The following DLG2 variants were observed in gnomAD, a reference collection of about 807,000 sequenced individuals.
DLG2 encodes discs large MAGUK scaffold protein 2, also known as disks large homolog 2.
DLG2 carries 45 observed loss-of-function variants against 132.5 expected under a neutral mutation model. That is an observed-to-expected ratio of 0.34 (90% CI 0.27 to 0.44). DLG2 has a LOEUF of 0.44. Among genes scored for constraint, DLG2 ranks in the 20% least tolerant of loss-of-function variants. The probability of loss-of-function intolerance (pLI) is 1.00; values close to 1 mark genes in which losing one functional copy is unlikely to be tolerated. For missense variants in DLG2, 1,045 were observed against 1,196.9 expected (o/e 0.87, Z 1.87); for synonymous variants, 424 against 419.6 (o/e 1.01, Z -0.13).
chr11:85,343,108 T>C (rs1313059867), intron 3 of DLG2, among the ~76,000 whole-genome samples: 1 of 152,190 alleles, frequency 6.6e-6, no homozygotes, highest in Admixed American at 6.5e-5. Flanking sequence ...TATATTCAAA[T>C]TGCCCTAACT....
chr11:84,107,980 CTTGAACAG>C (rs1286224235), intron 9 of DLG2, among the ~76,000 whole-genome samples: 1 of 152,028 alleles, frequency 6.6e-6, no homozygotes, highest in East Asian at 1.9e-4. Context: ...GCTTAGTAAT[CTTGAACAG>C]TGAAAGGGAT....
chr11:84,529,491 T>C (rs544861361), intron 7 of DLG2, among the ~76,000 whole-genome samples: 2 of 152,152 alleles, frequency 1.3e-5, no homozygotes, highest in East Asian at 3.9e-4. Flanking sequence ...TATTCCTATC[T>C]ACCAACAACA....
At chr11:83,943,430 T>C (rs923457667) in intron 14 of DLG2, among the ~76,000 whole-genome samples, 2 of 152,242 alleles carry the variant, frequency 1.3e-5, no homozygotes, top group Non-Finnish European at 2.9e-5. Context: ...TCCTTATTAA[T>C]GAGCAACTTT....
chr11:85,444,050 A>C (rs1052182335), intron 3 of DLG2, among the ~76,000 whole-genome samples: 1 of 152,202 alleles, frequency 6.6e-6, no homozygotes. Flanking sequence ...TTTTATGTAG[A>C]ACCAACTTTT....
chr11:83,747,421 A>C (rs2093004926), intron 18 of DLG2, among the ~76,000 whole-genome samples: 1 of 150,304 alleles, frequency 6.7e-6, no homozygotes, highest in Non-Finnish European at 1.5e-5. Context: ...CTTAGGCTGG[A>C]GTGCAGTGGT....
At chr11:84,947,342 C>T (rs536039183) in intron 6 of DLG2, among the ~76,000 whole-genome samples, 120 of 152,206 alleles carry the variant, frequency 7.9e-4, no homozygotes, top group African/African-American at 2.6e-3. Context: ...GATCTTTGAC[C>T]CACAGTCTCT....
intron 19 of DLG2, among the ~76,000 whole-genome samples, chr11:83,568,166 G>C (rs917606140): frequency 2.6e-5 from 4 of 152,090 alleles, no homozygotes; most frequent in Non-Finnish European, 5.9e-5. Flanking sequence ...ATGAGTGTCC[G>C]AGCTAAGGTA....
intron 3 of DLG2, among the ~76,000 whole-genome samples, chr11:85,419,537 C>T (rs422267): frequency 0.98 from 149,882 of 152,312 alleles, 73,750 homozygotes; most frequent in East Asian, 1. Context: ...TCCAACTTGG[C>T]TCCATTCTTC....
intron 6 of DLG2, among the ~76,000 whole-genome samples, chr11:84,866,110 T>C (rs899041502): frequency 6.6e-6 from 1 of 152,234 alleles, no homozygotes; most frequent in East Asian, 1.9e-4. Context: ...TTGTAAATGA[T>C]AGAAGCCAGG....
chr11:84,538,185 C>G (rs1403933209), intron 6 of DLG2, among the ~76,000 whole-genome samples: 1 of 152,134 alleles, frequency 6.6e-6, no homozygotes, highest in African/African-American at 2.4e-5. Context: ...TGCAGCTTCT[C>G]AGTTTGAAAC....
chr11:84,699,612 G>T (rs1427146367), intron 6 of DLG2, among the ~76,000 whole-genome samples: 2 of 151,480 alleles, frequency 1.3e-5, no homozygotes, highest in Non-Finnish European at 3.0e-5. Context: ...CTGATGTCTT[G>T]CTTAGAATCT....
chr11:84,018,560 T>C (rs2095290830), intron 11 of DLG2, among the ~76,000 whole-genome samples: 1 of 151,894 alleles, frequency 6.6e-6, no homozygotes, highest in African/African-American at 2.4e-5. Context: ...AGGGTGAAAA[T>C]AATATTACTT....
At chr11:83,554,487 T>C (rs1224181983) in intron 19 of DLG2, among the ~76,000 whole-genome samples, 1 of 152,206 alleles carries the variant, frequency 6.6e-6, no homozygotes, top group African/African-American at 2.4e-5. Flanking sequence ...TCAGGGAGGC[T>C]GGTATACAGA....
Position 84,367,944 on chromosome 11 carries a change from G to A in DLG2, c.520-116653C>T, listed in dbSNP as rs182595318. Reference sequence around the variant, plus strand: ...CTCTAGAAAGCTTTGATCAGAGCCCGTAATAGATGCACACATCTCTTTATT... The same window carrying A: ...CTCTAGAAAGCTTTGATCAGAGCCCATAATAGATGCACACATCTCTTTATT... On this transcript the variant is annotated intron_variant, in intron 7 of 27. Transcript: ENST00000376104. 5.3e-5 allele frequency among the ~76,000 whole-genome samples: 8 copies of A among 152,232 alleles called. No homozygotes were observed. In the South Asian group the frequency reaches 6.2e-4, roughly 12 times the overall value.
intron 9 of DLG2, among the ~76,000 whole-genome samples, chr11:84,138,301 C>T (rs1039314454): frequency 6.6e-6 from 1 of 152,130 alleles, no homozygotes; most frequent in African/African-American, 2.4e-5. Flanking sequence ...GGAAAAAATT[C>T]CCTTCTTATT....
intron 8 of DLG2, among the ~76,000 whole-genome samples, chr11:84,241,541 A>G (rs1411215223): frequency 6.6e-6 from 1 of 152,156 alleles, no homozygotes; most frequent in Non-Finnish European, 1.5e-5. Context: ...TTTCATTAAC[A>G]TGTCTATTCA....
chr11:85,472,610 G>T (rs959817032), intron 3 of DLG2, among the ~76,000 whole-genome samples: 28 of 152,114 alleles, frequency 1.8e-4, no homozygotes, highest in African/African-American at 6.5e-4. Flanking sequence ...GAGCTATTCT[G>T]TTGCTCAACA....
chr11:85,123,926 T>C (rs1258946896), intron 5 of DLG2, among the ~76,000 whole-genome samples: 1 of 152,206 alleles, frequency 6.6e-6, no homozygotes, highest in Non-Finnish European at 1.5e-5. Context: ...TAAGAGGCTA[T>C]AAACCTGCAA....
At chr11:85,210,635 C>T (rs1325966220) in intron 4 of DLG2, among the ~76,000 whole-genome samples, 1 of 152,032 alleles carries the variant, frequency 6.6e-6, no homozygotes, top group Non-Finnish European at 1.5e-5. Flanking sequence ...CTGACAGTCC[C>T]AACTGTCTGT....
Sources: gnomAD v4.1 joint callset for allele counts (sites outside exome capture counted in the v4.1 genomes callset) on GRCh38, gnomAD v4.1.1 for gene constraint, MANE v1.5 for transcripts, NCBI Gene and HGNC (gene_info 2026-07-23, HGNC 2026-07-21) for gene names.